Variants in FLII observed in about 807,000 individuals in gnomAD.
The protein encoded by FLII is FLII actin remodeling protein, also known as protein flightless-1 homolog.
In FLII, 101 loss-of-function variants were observed where a neutral mutation model predicts 156.2. The observed-to-expected ratio is 0.65, with a 90% confidence interval of 0.55 to 0.76. The LOEUF (loss-of-function observed/expected upper bound fraction) is 0.76. FLII is among the 30% of genes least tolerant of loss of function. FLII has a pLI of 0.00. For synonymous variants in FLII, 767 were observed against 685.8 expected (o/e 1.12, Z -1.85); for missense variants, 1,675 against 1,682.8 (o/e 1.00, Z 0.08).
At chr17:18,253,758 C>A in intron 7 of FLII, 39 bp from the exon 8 acceptor site, 1 of 1,541,306 alleles carries the variant, frequency 6.5e-7, no homozygotes, top group Admixed American at 1.9e-5. Flanking sequence ...GGGGCCCATA[C>A]ACCAGGTGCC....
rs756242390 is a variant in FLII at position 18,248,562 on chromosome 17, G to C, written c.2178C>G (p.Pro726=). 6 of 1,610,102 alleles carry C rather than the reference G, an allele frequency of 3.7e-6. No individual in the cohort carries two copies. The highest frequency in any genetic ancestry group is 1.7e-4 in the Middle Eastern group (1 of 6,054). ...CAGCAGGGCTCACCTTGTACAGCTTGGGCTGCGGCGGCCAGAAGTCTTCAG... is the reference window on the plus strand; with the variant it reads ...CAGCAGGGCTCACCTTGTACAGCTTCGGCTGCGGCGGCCAGAAGTCTTCAG... ...HVPEDFWPPQ[P]KLYKVGLGLG... The change falls in exon 18 of 30, where the codon CCC becomes CCG. Residue 726 remains proline (P), a synonymous_variant. Coordinates refer to ENST00000327031, the MANE Select transcript of FLII (RefSeq NM_002018.4).
In FLII at chr17:18,254,439, G is replaced by A. The variant is rs2048357979; in HGVS notation, c.575+82C>T. The A allele has an allele frequency of 2.1e-6, 3 of 1,408,976 alleles. No homozygotes were observed. The African/African-American group carries it at 4.3e-5, about 20-fold the overall frequency. The allele number at this position is 1,408,976 out of a possible 1,614,324, so 87.3% of individuals were successfully genotyped here. A position where few individuals can be genotyped will look rare whatever the true frequency, so the allele number is the denominator to read the frequency against. Reference sequence around the variant, plus strand: ...GGATGGCTGGGCCTAAGGGAGAAGGGTTAGGGCCCTGGGAAGTGAAGGGGC... The same window carrying A: ...GGATGGCTGGGCCTAAGGGAGAAGGATTAGGGCCCTGGGAAGTGAAGGGGC... On this transcript the variant is annotated intron_variant, in intron 6 of 29. Transcript: ENST00000327031.
At position 18,252,137 on chromosome 17, in the gene FLII, C is replaced by T. The variant is rs149676851; in HGVS notation, c.1108G>A (p.Val370Met). ...ATGACCAGGTTGGGGTTCTCCCGCA[C>T]ATCCAGGACCTGCCCCATAGGGTGA... ...HFLTEIEVLD[V>M]RENPNLVMPP... Residue 370 changes from valine to methionine, a missense_variant, in exon 11 of 30, where the codon GTG becomes ATG. By Grantham distance (21) the Val-to-Met change is conservative. Transcript: ENST00000327031. 1 of 1,613,238 alleles carries T rather than the reference C, an allele frequency of 6.2e-7. No individual in the cohort carries two copies. Among genetic ancestry groups the T allele is most frequent in the African/African-American group, 1.3e-5 (1 of 75,066 alleles).
Position 18,252,147 on chromosome 17 carries a change from C to T in FLII, c.1099-1G>A. On this transcript the variant is annotated splice_acceptor_variant, in intron 10 of 29. Coordinates refer to ENST00000327031, the MANE Select transcript of FLII (RefSeq NM_002018.4). LOFTEE classifies it high-confidence loss of function. ...TGGGGTTCTCCCGCACATCCAGGAC[C>T]TGCCCCATAGGGTGAGCAGAGCCGG... The T allele has an allele frequency of 6.2e-7, 1 of 1,612,996 alleles. No individual in the cohort carries two copies. The highest frequency in any genetic ancestry group is 8.5e-7 in the Non-Finnish European group (1 of 1,179,858).
Position 18,247,799 on chromosome 17 carries a change from G to T in FLII, c.2345C>A (p.Ser782Tyr). ...TRCVYILDCW[S>Y]DVFIWLGRKS... is the part of the protein sequence containing the mutation. ...GCGGCCGAGCCAGATGAACACGTCGGACCAACAGTCCAGAATGTACACGCA... is the reference window on the plus strand; with the variant it reads ...GCGGCCGAGCCAGATGAACACGTCGTACCAACAGTCCAGAATGTACACGCA... The change falls in exon 20 of 30, where the codon TCC becomes TAC. Residue 782 changes from serine (S) to tyrosine (Y), a missense_variant. Physicochemically the swap from Ser to Tyr is moderately radical, Grantham distance 144 (BLOSUM62 -2). This residue lies in a region of FLII where 1,332 missense variants were observed against 1,269.3 expected (regional missense o/e 1.05). Coordinates refer to ENST00000327031, the MANE Select transcript of FLII (RefSeq NM_002018.4). The T allele has an allele frequency of 6.2e-7, 1 of 1,612,648 alleles. No individual in the cohort carries two copies. The highest frequency in any genetic ancestry group is 2.2e-5 in the East Asian group (1 of 44,888).
Position 18,245,166 on chromosome 17 carries a change from C to T in FLII, c.3782G>A (p.Trp1261Ter), listed in dbSNP as rs1249649685. Residue 1261 changes from tryptophan (W) to a stop codon, truncating the protein, a stop_gained, in exon 30 of 30, where the codon TGG becomes TAG. Transcript: ENST00000327031. LOFTEE classifies it high-confidence loss of function. ...QHAFTRCFHA[W>*]SAFCKALA Reference sequence around the variant, plus strand: ...GGCCAGGGCCTTGCAGAAGGCGCTCCAGGCGTGGAAGCAGCGGGTAAAGGC... The same window carrying T: ...GGCCAGGGCCTTGCAGAAGGCGCTCTAGGCGTGGAAGCAGCGGGTAAAGGC... The T allele has an allele frequency of 1.2e-6, 2 of 1,613,656 alleles. No homozygotes were observed. The highest frequency in any genetic ancestry group is 2.2e-5 in the East Asian group (1 of 44,868).
Position 18,255,403 on chromosome 17 carries a change from GCT to G in FLII, c.247-142_247-141del, listed in dbSNP as rs1491143058. ...CTCACCTCTGGCCTTTGATCAAATA[GCT>G]CCCTCTCCTGGAGCGCTCTTCCTAG... On this transcript the variant is annotated intron_variant, in intron 3 of 29. Transcript: ENST00000327031. 3 of 672,538 alleles carry G rather than the reference GCT, an allele frequency of 4.5e-6. No homozygotes were observed. In the African/African-American group the frequency reaches 5.4e-5, roughly 12 times the overall value. The allele number at this position is 672,538 out of a possible 1,614,324, so 41.7% of individuals were successfully genotyped here. A position where few individuals can be genotyped will look rare whatever the true frequency, so the allele number is the denominator to read the frequency against.
At chr17:18,250,774 G>T in intron 14 of FLII, 64 bp downstream of exon 14, 2 of 1,540,982 alleles carry the variant, frequency 1.3e-6, no homozygotes, top group East Asian at 2.3e-5. Context: ...TGGGCCCACT[G>T]CCCCTGCACC....
Position 18,248,831 on chromosome 17 carries a change from G to C in FLII, c.1987C>G (p.Gln663Glu), listed in dbSNP as rs2048169647. 2 of 1,613,798 alleles carry C rather than the reference G, an allele frequency of 1.2e-6. No homozygotes were observed. The highest frequency in any genetic ancestry group is 8.5e-7 in the Non-Finnish European group (1 of 1,179,910). The change falls in exon 17 of 30, where the codon CAG (glutamine) becomes GAG (glutamate). Residue 663 changes from glutamine (Q) to glutamate (E), a missense_variant. Around this residue, in one of 2 missense-constraint regions of FLII, gnomAD observed 1,332 missense variants for 1,269.3 expected, o/e 1.05. Transcript: ENST00000327031. ...TTGGTGGTGCTGCTCAGTGTGGCCTGGGCCCCCCGCCATACGTAGATGTCT... is the reference window on the plus strand; with the variant it reads ...TTGGTGGTGCTGCTCAGTGTGGCCTCGGCCCCCCGCCATACGTAGATGTCT... ...GLDIYVWRGAQATLSSTTKAR... is the reference protein window; with the variant it reads ...GLDIYVWRGAEATLSSTTKAR...
chr17:18,258,922 C>T, upstream of FLII: 2 of 265,080 alleles, frequency 7.5e-6, no homozygotes, highest in Non-Finnish European at 1.4e-5. This position sits in a 1 kb window ranked among gnomAD's most constrained non-coding sequence, Gnocchi z 4.2. Flanking sequence ...GAGTTGGAGG[C>T]TTCCACGATC....
At chr17:18,250,501 T>C (rs9913139) in intron 14 of FLII, among the ~76,000 whole-genome samples, 38,146 of 152,058 alleles carry the variant, frequency 0.25, 4,900 homozygotes, top group East Asian at 0.31. Context: ...GGCCCTGCCT[T>C]CTCACTGCTC....
At chr17:18,249,048 T>TC in intron 16 of FLII, 79 bp downstream of exon 16, 1 of 1,426,068 alleles carries the variant, frequency 7.0e-7, no homozygotes. Flanking sequence ...CCTCCTCTTC[T>TC]AAGAGGCCCA....
At position 18,246,596 on chromosome 17, in the gene FLII, C is replaced by T. The variant is rs1451570260; in HGVS notation, c.3049G>A (p.Glu1017Lys). Residue 1017 changes from glutamate to lysine, a missense_variant and splice_region_variant, in exon 23 of 30, where the codon GAG becomes AAG. This residue lies in a region of FLII where 1,332 missense variants were observed against 1,269.3 expected (regional missense o/e 1.05). Transcript: ENST00000327031. ...GCTCGCGGGGCTGCCAGGCACACCT[C>T]CAGCTTCCCAGGGAAGAGGCTCTCG... Reference protein sequence around the residue: ...KFESLFPGKLEVVRMTQQQEN... With the variant: ...KFESLFPGKLKVVRMTQQQEN... 1 of 1,613,784 alleles carries T rather than the reference C, an allele frequency of 6.2e-7. No homozygotes were observed. The highest frequency in any genetic ancestry group is 1.3e-5 in the African/African-American group (1 of 74,916).
In FLII at chr17:18,245,131, G is replaced by A; in HGVS notation, c.*7C>T. The A allele has an allele frequency of 1.2e-6, 2 of 1,608,262 alleles. No homozygotes were observed. The highest frequency in any genetic ancestry group is 1.7e-6 in the Non-Finnish European group (2 of 1,176,136). Reference sequence around the variant, plus strand: ...CCTCACCAAGCCTGGGGCTGTGCCAGCCTGTCTTAGGCCAGGGCCTTGCAG... The same window carrying A: ...CCTCACCAAGCCTGGGGCTGTGCCAACCTGTCTTAGGCCAGGGCCTTGCAG... On this transcript the variant is annotated 3_prime_UTR_variant, in exon 30 of 30. Transcript: ENST00000327031.
chr17:18,254,994 A>C, intron 4 of FLII, 140 bp from the exon 5 acceptor site: 1 of 966,752 alleles, frequency 1.0e-6, no homozygotes, highest in Non-Finnish European at 1.7e-6. Context: ...ACAGCCAGGG[A>C]CTTGGGAGGA....
rs1331436509 is a variant in FLII at position 18,250,856 on chromosome 17, C to T, written c.1758G>A (p.Glu586=). 6.2e-7 allele frequency: 1 copy of T among 1,613,448 alleles called. No homozygotes were observed. The highest frequency in any genetic ancestry group is 8.5e-7 in the Non-Finnish European group (1 of 1,179,570). ...CTGGCACCTGCAGGAACTCCTCGCTCTCATCGCCCATCTCCTCCCGGACAG... is the reference window on the plus strand; with the variant it reads ...CTGGCACCTGCAGGAACTCCTCGCTTTCATCGCCCATCTCCTCCCGGACAG... ...CRTVREEMGD[E]SEEFLQVFDN... Residue 586 remains glutamate, a synonymous_variant, in exon 14 of 30, where the codon GAG becomes GAA. Coordinates refer to ENST00000327031, the MANE Select transcript of FLII (RefSeq NM_002018.4).
In FLII at chr17:18,251,418, C is replaced by T. The variant is rs779630353; in HGVS notation, c.1443G>A (p.Glu481=). 44 of 1,612,926 alleles carry T rather than the reference C, an allele frequency of 2.7e-5. No individual in the cohort carries two copies. The highest frequency in any genetic ancestry group is 3.7e-5 in the Non-Finnish European group (44 of 1,179,898). ...ACTCGGAGTAGTCAAGGCGGGGCTT[C>T]TCCAGGCCCTGGTCCCAACGCCGCA... ...GKVRRWDQGL[E]KPRLDYSEFF... Residue 481 remains glutamate (E), a synonymous_variant, in exon 13 of 30, where the codon GAG becomes GAA. Transcript: ENST00000327031.
intron 7 of FLII, 150 bp downstream of exon 7, chr17:18,253,929 T>A: frequency 2.7e-6 from 2 of 743,260 alleles, no homozygotes; most frequent in East Asian, 5.4e-5. Context: ...TGTTAAGGCA[T>A]CATCATAATC....
chr17:18,254,351 A>G (rs1267633097), intron 6 of FLII, among the ~76,000 whole-genome samples, 169 bp from the exon 7 acceptor site: 1 of 152,074 alleles, frequency 6.6e-6, no homozygotes, highest in African/African-American at 2.4e-5. Context: ...GCGGGAAGAC[A>G]GGACTGAGAG....
Sources: gnomAD v4.1 joint callset for allele counts (sites outside exome capture counted in the v4.1 genomes callset) on GRCh38, gnomAD v4.1.1 for gene constraint, gnomAD v4.1.1 regional missense constraint, Gnocchi (gnomAD v3.1) non-coding constraint, MANE v1.5 for transcripts, NCBI Gene and HGNC (gene_info 2026-07-23, HGNC 2026-07-21) for gene names.